The following PICALM variants were observed in gnomAD, a reference collection of about 807,000 sequenced individuals.
PICALM encodes phosphatidylinositol binding clathrin assembly protein, also known as phosphatidylinositol-binding clathrin assembly protein.
PICALM carries 40 observed loss-of-function variants against 80.5 expected under a neutral mutation model. The observed-to-expected ratio is 0.50, with a 90% CI of 0.39 to 0.65. The LOEUF is 0.65. Ranked by LOEUF, PICALM falls within the 30% of genes least tolerant of loss-of-function variation. The pLI, the probability that PICALM is intolerant of heterozygous loss-of-function variation, is 0.00. For missense variants in PICALM, 676 were observed against 778.9 expected, an observed-to-expected ratio of 0.87 and a Z score of 1.57; for synonymous variants, 288 against 260.3, an observed-to-expected ratio of 1.11 and a Z score of -1.02.
Position 86,028,053 on chromosome 11 carries a change from C to G in PICALM, c.274-1686G>C, listed in dbSNP as rs573933028. On this transcript the variant is annotated intron_variant, in intron 2 of 19. Transcript: ENST00000393346. ...AATAATTTCGTCTACCAGGCCATTT[C>G]ATTCATGATTTTAGAGATAATAAAT... Among the ~76,000 whole-genome samples, 60 of 152,214 alleles carry G rather than the reference C, an allele frequency of 3.9e-4. 1 individual carries two copies. The highest frequency in any genetic ancestry group is 5.6e-4 in the Non-Finnish European group (38 of 68,034).
rs189958026 is a variant in PICALM at position 86,018,039 on chromosome 11, G to C, written c.453-3076C>G. ...TTTCTGGAAGTGAAATTATTTTAAA[G>C]TAATATTATTTTTTAAAAGTCAGTA... On this transcript the variant is annotated intron_variant, in intron 4 of 19. Transcript: ENST00000393346. Among the ~76,000 whole-genome samples the C allele has an allele frequency of 4.1e-3, 621 of 152,246 alleles. 6 individuals are homozygous for C. The highest frequency in any genetic ancestry group is 0.014 in the African/African-American group (592 of 41,552).
intron 1 of PICALM, among the ~76,000 whole-genome samples, chr11:86,060,520 A>G (rs909501859): frequency 6.6e-6 from 1 of 152,182 alleles, no homozygotes; most frequent in Admixed American, 6.5e-5. Context: ...TCCACTGTAC[A>G]GTGGTTCTTG....
chr11:86,002,919 G>C (rs2095183346), intron 9 of PICALM, among the ~76,000 whole-genome samples: 1 of 152,104 alleles, frequency 6.6e-6, no homozygotes, highest in South Asian at 2.1e-4. Flanking sequence ...GCTGAGGTGG[G>C]AGAATCGCTT....
chr11:86,017,939 T>C (rs903003140), intron 4 of PICALM, among the ~76,000 whole-genome samples: 2 of 152,174 alleles, frequency 1.3e-5, no homozygotes, highest in Admixed American at 6.6e-5. Context: ...GAAAGAGAAA[T>C]GCAGATGTGG....
chr11:86,038,809 C>T (rs1028706444), intron 1 of PICALM, among the ~76,000 whole-genome samples: 10 of 151,396 alleles, frequency 6.6e-5, no homozygotes, highest in Admixed American at 2.6e-4. Flanking sequence ...AAAGTCCTAT[C>T]TTAACGTTTA....
At chr11:85,969,785 C>T in intron 19 of PICALM, 3 of 218,676 alleles carry the variant, frequency 1.4e-5, no homozygotes, top group Non-Finnish European at 2.9e-5. Flanking sequence ...TCCCAAAGTG[C>T]TAGTATTACA....
intron 9 of PICALM, among the ~76,000 whole-genome samples, chr11:86,002,971 C>CA (rs1255475558): frequency 1.3e-5 from 2 of 151,940 alleles, no homozygotes; most frequent in Non-Finnish European, 2.9e-5. Flanking sequence ...GAGATTGTGC[C>CA]ACTGCACTCC....
intron 3 of PICALM, 31 bp downstream of exon 3, chr11:86,026,261 T>C (rs2095648015): frequency 1.6e-6 from 2 of 1,237,046 alleles, no homozygotes; most frequent in Non-Finnish European, 2.4e-6. Context: ...GTCATTCTTT[T>C]GATTTTCTAT....
intron 1 of PICALM, among the ~76,000 whole-genome samples, chr11:86,039,674 G>C (rs1422310106): frequency 1.3e-5 from 2 of 152,112 alleles, no homozygotes; most frequent in Non-Finnish European, 2.9e-5. Context: ...AAATTTAACA[G>C]AGGTAAGTAT....
chr11:86,024,930 G>A (rs1196512490), intron 3 of PICALM, among the ~76,000 whole-genome samples: 2 of 152,072 alleles, frequency 1.3e-5, no homozygotes, highest in South Asian at 4.1e-4. Context: ...ACATTTCCCT[G>A]ATTGAGCCTC....
Position 86,044,263 on chromosome 11 carries a change from T to C in PICALM, c.131-12652A>G, listed in dbSNP as rs541420542. On this transcript the variant is annotated intron_variant, in intron 1 of 19. Transcript: ENST00000393346. ...GAAGGAGCCCCACATAAAATGACTTTTAAGAATTATGGCAACAGTGGTAGT... is the reference window on the plus strand; with the variant it reads ...GAAGGAGCCCCACATAAAATGACTTCTAAGAATTATGGCAACAGTGGTAGT... Among the ~76,000 whole-genome samples the C allele has an allele frequency of 2.0e-3, 299 of 152,256 alleles. 1 individual carries two copies. Among genetic ancestry groups the C allele is most frequent in the African/African-American group, 6.9e-3 (285 of 41,546 alleles).
At chr11:86,064,446 T>C (rs1312256041) in intron 1 of PICALM, among the ~76,000 whole-genome samples, 1 of 152,078 alleles carries the variant, frequency 6.6e-6, no homozygotes, top group African/African-American at 2.4e-5. Context: ...AGAGGATCCT[T>C]GAGCCCAGGA....
At position 86,002,556 on chromosome 11, in the gene PICALM, A is replaced by G. The variant is rs116862802; in HGVS notation, c.893+810T>C. 4.6e-3 allele frequency among the ~76,000 whole-genome samples: 708 copies of G among 152,356 alleles called. 3 individuals are homozygous for G. Among genetic ancestry groups the G allele is most frequent in the Non-Finnish European group, 7.1e-3 (483 of 68,038 alleles). Reference sequence around the variant, plus strand: ...GTCTGAGGAATTAGCTTAAAACATAATAAAGTGATTAAAATATAAAATATC... The same window carrying G: ...GTCTGAGGAATTAGCTTAAAACATAGTAAAGTGATTAAAATATAAAATATC... On this transcript the variant is annotated intron_variant, in intron 9 of 19. Coordinates refer to ENST00000393346, the MANE Select transcript of PICALM (RefSeq NM_007166.4).
chr11:86,022,443 G>T lies in PICALM; in HGVS notation c.376C>A (p.Arg126=). ...TTCTCATTTAAATATCTACTATACC[G>T]CCTAATAAATGTAGACATGTCATAT... is the stretch of plus-strand genomic sequence containing the variant. ...QGYDMSTFIR[R]YSRYLNEKAV... Residue 126 remains arginine (R), a synonymous_variant, in exon 4 of 20, where the codon CGG becomes AGG. Coordinates refer to ENST00000393346, the MANE Select transcript of PICALM (RefSeq NM_007166.4). The T allele has an allele frequency of 1.3e-6, 2 of 1,566,648 alleles. No homozygotes were observed. Among genetic ancestry groups the T allele is most frequent in the Non-Finnish European group, 1.7e-6 (2 of 1,154,970 alleles).
Position 86,000,627 on chromosome 11 carries a change from TA to T in PICALM, c.1154+15del. 6.2e-7 allele frequency: 1 copy of T among 1,602,050 alleles called. No homozygotes were observed. Among genetic ancestry groups the T allele is most frequent in the South Asian group, 1.1e-5 (1 of 89,028 alleles). On this transcript the variant is annotated intron_variant, in intron 11 of 19. Transcript: ENST00000393346. ...GAACCTACATATTCAAAGGTAACCTTAACTTCTACTCCTACCTGTTAGAAGA... is the reference window on the plus strand; with the variant it reads ...GAACCTACATATTCAAAGGTAACCTTACTTCTACTCCTACCTGTTAGAAGA...
chr11:85,994,488 A>T (rs2094894655), intron 12 of PICALM, among the ~76,000 whole-genome samples: 1 of 152,208 alleles, frequency 6.6e-6, no homozygotes, highest in South Asian at 2.1e-4. Flanking sequence ...GTTTAAAAGA[A>T]CTAAATTAAA....
At chr11:85,988,241 C>T (rs961856794) in intron 13 of PICALM, among the ~76,000 whole-genome samples, 1 of 152,052 alleles carries the variant, frequency 6.6e-6, no homozygotes, top group South Asian at 2.1e-4. Flanking sequence ...AATATTAAAA[C>T]GTTTTCATGC....
chr11:85,965,807 G>GTTTTTGTTT (rs2093862096), intron 19 of PICALM, among the ~76,000 whole-genome samples: 3 of 79,256 alleles, frequency 3.8e-5, no homozygotes, highest in Non-Finnish European at 2.3e-5. Context: ...TACCCATTTT[G>GTTTTTGTTT]TTTTTTTGTT....
intron 3 of PICALM, among the ~76,000 whole-genome samples, chr11:86,026,089 C>G (rs1351877648): frequency 6.6e-6 from 1 of 152,130 alleles, no homozygotes; most frequent in African/African-American, 2.4e-5. Flanking sequence ...CTACTCTGTA[C>G]TCCGTCTCAG....
Sources: gnomAD v4.1 joint callset for allele counts (sites outside exome capture counted in the v4.1 genomes callset) on GRCh38, gnomAD v4.1.1 for gene constraint, MANE v1.5 for transcripts, NCBI Gene and HGNC (gene_info 2026-07-23, HGNC 2026-07-21) for gene names.